Variants in CTBP2 observed in about 807,000 individuals in gnomAD.
CTBP2 encodes the protein C-terminal binding protein 2.
In CTBP2, 30 loss-of-function variants were observed where a neutral mutation model predicts 80.3. The ratio of observed to expected loss-of-function variants is 0.37; its 90% CI spans 0.28 to 0.51. The LOEUF is 0.51. Ranked by LOEUF, CTBP2 falls within the 20% of genes least tolerant of loss-of-function variation. The pLI is 0.93. For missense variants in CTBP2, 1,212 were observed against 1,375.3 expected (o/e 0.88, Z 1.88); for synonymous variants, 594 against 587.4 (o/e 1.01, Z -0.16).
intron 2 of CTBP2, among the ~76,000 whole-genome samples, chr10:125,047,625 T>C (rs1961593044): frequency 6.6e-6 from 1 of 152,242 alleles, no homozygotes; most frequent in Non-Finnish European, 1.5e-5. Context: ...TATCTGGAGG[T>C]TATATGCTAA....
rs541305770 is a variant in CTBP2, at chr10:124,987,378, A to G, written c.*2140T>C. On this transcript the variant is annotated 3_prime_UTR_variant, in exon 9 of 9. Coordinates refer to ENST00000309035, the MANE Select transcript of CTBP2 (RefSeq NM_022802.3). ...GGGTCAAATTTATATATATATATAT[A>G]AATTTTTGTTTGGGCGACCAAGATC... The G allele has an allele frequency of 1.3e-5, 2 of 151,864 alleles. No homozygotes were observed. Among genetic ancestry groups the G allele is most frequent in the African/African-American group, 4.8e-5 (2 of 41,412 alleles). The allele number at this position is 151,864 out of a possible 1,614,324, so 9.4% of individuals were successfully genotyped here.
intron 2 of CTBP2, among the ~76,000 whole-genome samples, chr10:125,062,265 TCA>T (rs576097312): frequency 6.6e-6 from 1 of 152,120 alleles, no homozygotes; most frequent in Non-Finnish European, 1.5e-5. Flanking sequence ...CTCTCAAAAC[TCA>T]GCAAATGTTA....
rs979110826 is a variant in CTBP2, at chr10:124,986,691, A to C, written c.*2827T>G. The C allele has an allele frequency of 6.6e-6, 1 of 152,200 alleles. No homozygotes were observed. Among genetic ancestry groups the C allele is most frequent in the Non-Finnish European group, 1.5e-5 (1 of 68,044 alleles). 9.4% of individuals were successfully genotyped at this position (152,200 alleles called of 1,614,324 possible). A position where few individuals can be genotyped will look rare whatever the true frequency, so the allele number is the denominator to read the frequency against. On this transcript the variant is annotated 3_prime_UTR_variant, in exon 9 of 9. Coordinates refer to ENST00000309035, the MANE Select transcript of CTBP2 (RefSeq NM_022802.3). Reference sequence around the variant, plus strand: ...TTTCATTTTGGCCAATAAGTAATCAAGTTTGTAGAAAATGTTAGCATTCTG... The same window carrying C: ...TTTCATTTTGGCCAATAAGTAATCACGTTTGTAGAAAATGTTAGCATTCTG...
intron 1 of CTBP2, among the ~76,000 whole-genome samples, chr10:125,158,904 G>A (rs995984103): frequency 6.6e-6 from 1 of 152,048 alleles, no homozygotes; most frequent in Non-Finnish European, 1.5e-5. Context: ...CCACGGGAGG[G>A]AGTGTGTGCG....
chr10:125,111,975 G>C (rs1852358918), intron 1 of CTBP2, among the ~76,000 whole-genome samples: 1 of 152,038 alleles, frequency 6.6e-6, no homozygotes, highest in Non-Finnish European at 1.5e-5. Context: ...AGCCCCACGA[G>C]AGAGGGAAGA....
rs61870307 is a variant in CTBP2 at position 124,994,518 on chromosome 10, T to C, written c.2351A>G (p.Asn784Ser). The C allele has an allele frequency of 1.1e-5, 17 of 1,613,890 alleles. No individual in the cohort carries two copies. The highest frequency in any genetic ancestry group is 1.3e-5 in the African/African-American group (1 of 74,926). The stretch of plus-strand genomic sequence containing the variant: ...GAGGTGGTGGTTATGTTCGTTGAGA[T>C]TGCAGTGCAAGGAGACGCAGTCGCT... Residue 784 changes from asparagine to serine, a missense_variant, in exon 5 of 9, where the codon AAT (asparagine) becomes AGT (serine). By Grantham distance (46) the Asn-to-Ser change is conservative. Transcript: ENST00000309035.
Position 124,984,838 on chromosome 10 carries a change from G to A in CTBP2, c.*4680C>T, listed in dbSNP as rs777935576. The A allele has an allele frequency of 2.5e-6, 4 of 1,613,798 alleles. No individual in the cohort carries two copies. Among genetic ancestry groups the A allele is most frequent in the African/African-American group, 1.3e-5 (1 of 74,812 alleles). On this transcript the variant is annotated 3_prime_UTR_variant, in exon 9 of 9. Coordinates refer to ENST00000309035, the MANE Select transcript of CTBP2 (RefSeq NM_022802.3). The stretch of plus-strand genomic sequence containing the variant: ...TGGCTGGACTGCTGTGTGACGGAGG[G>A]GGGAGTTCTGGTTGCCATGCAGAAG...
At chr10:125,028,505 TG>T (rs1301029941), upstream of CTBP2, among the ~76,000 whole-genome samples, 2 of 152,254 alleles carry the variant, frequency 1.3e-5, no homozygotes, top group Admixed American at 6.5e-5. Context: ...TGAAACCTGA[TG>T]CTTTGATAAT....
intron 1 of CTBP2, chr10:125,005,717 C>CCA (rs769063278): frequency 2.2e-5 from 35 of 1,612,816 alleles, no homozygotes; most frequent in Non-Finnish European, 2.9e-5. Context: ...CTGCCAAATT[C>CCA]CACAAGATTC....
In CTBP2 at chr10:125,027,505, A is replaced by T; in HGVS notation, c.255T>A (p.Ser85=). 1 of 1,614,158 alleles carries T rather than the reference A, an allele frequency of 6.2e-7. No individual in the cohort carries two copies. The highest frequency in any genetic ancestry group is 8.5e-7 in the Non-Finnish European group (1 of 1,180,018). Residue 85 remains serine, a synonymous_variant, in exon 1 of 9, where the codon TCT becomes TCA. Transcript: ENST00000309035. ...TGTCGTAGAAGGTGAAGTCAGGAGT[A>T]GACCCCTTTCTTGCAGCCACTGAGT...
rs114926561 is a variant in CTBP2, at chr10:125,129,490, G to A, written c.-205-18397C>T. On this transcript the variant is annotated intron_variant, in intron 1 of 10. Transcript: ENST00000337195. ...GTTGACCTTAGGTCATGAGACCCGT[G>A]CTCCAGGTGAAGATCTGAAATTCAG... is the stretch of plus-strand genomic sequence containing the variant. Among the ~76,000 whole-genome samples the A allele has an allele frequency of 5.4e-3, 818 of 152,150 alleles. 9 individuals carry two copies. The highest frequency in any genetic ancestry group is 0.019 in the African/African-American group (780 of 41,494).
At chr10:125,096,725 C>T (rs1193263737) in intron 2 of CTBP2, among the ~76,000 whole-genome samples, 1 of 129,882 alleles carries the variant, frequency 7.7e-6, no homozygotes, top group Non-Finnish European at 1.5e-5. Flanking sequence ...CAAAAGTCTA[C>T]ACGGCATGAA....
intron 2 of CTBP2, among the ~76,000 whole-genome samples, chr10:125,099,856 C>A (rs1436719195): frequency 2.0e-5 from 3 of 152,214 alleles, no homozygotes; most frequent in African/African-American, 7.2e-5. Flanking sequence ...GCCAGCCAGG[C>A]TCTTCCCAGA....
chr10:125,147,152 G>A (rs968131473), intron 1 of CTBP2, among the ~76,000 whole-genome samples: 7 of 152,192 alleles, frequency 4.6e-5, no homozygotes, highest in Admixed American at 2.6e-4. Flanking sequence ...CAGAGGGAAG[G>A]GCAGACACAG....
intron 4 of CTBP2, 113 bp from the exon 7 acceptor site, chr10:124,994,796 GC>G: frequency 9.4e-7 from 1 of 1,066,208 alleles, no homozygotes; most frequent in Non-Finnish European, 1.4e-6. Flanking sequence ...GGTAGCTGCT[GC>G]CAGAGAAACC....
At position 124,985,015 on chromosome 10, in the gene CTBP2, G is replaced by C; in HGVS notation, c.*4503C>G. The C allele has an allele frequency of 6.4e-7, 1 of 1,560,246 alleles. No homozygotes were observed. Among genetic ancestry groups the C allele is most frequent in the Non-Finnish European group, 8.8e-7 (1 of 1,142,470 alleles). On this transcript the variant is annotated 3_prime_UTR_variant, in exon 9 of 9. Transcript: ENST00000309035. ...TGAAAAAAAAAATCAAACAGCAGAA[G>C]ACCAAGGCATCAGATCTGTAATGAC...
At chr10:125,105,206 G>A (rs1851268406) in intron 2 of CTBP2, among the ~76,000 whole-genome samples, 1 of 152,148 alleles carries the variant, frequency 6.6e-6, no homozygotes, top group African/African-American at 2.4e-5. Context: ...TGAGTGCAGT[G>A]GTGCAATCAT....
intron 3 of CTBP2, among the ~76,000 whole-genome samples, chr10:125,036,381 G>C (rs1261095823): frequency 6.6e-6 from 1 of 152,086 alleles, no homozygotes; most frequent in Non-Finnish European, 1.5e-5. Flanking sequence ...GGCGGGAGGG[G>C]ACGAATTTTA....
Position 125,117,944 on chromosome 10 carries a change from G to A in CTBP2, c.-205-6851C>T, listed in dbSNP as rs984361103. On this transcript the variant is annotated intron_variant, in intron 1 of 10. Coordinates refer to the CTBP2 transcript ENST00000337195. ...TGAGAAGAAAAATGCCCTCTAGGCAGAAACTTTACATACACAGTCTTTGTC... is the reference window on the plus strand; with the variant it reads ...TGAGAAGAAAAATGCCCTCTAGGCAAAAACTTTACATACACAGTCTTTGTC... Among the ~76,000 whole-genome samples, 3 of 152,196 alleles carry A rather than the reference G, an allele frequency of 2.0e-5. No individual in the cohort carries two copies. In the South Asian group the frequency reaches 6.2e-4, roughly 31 times the overall value.
Sources: allele counts gnomAD v4.1 joint callset (sites outside exome capture counted in the v4.1 genomes callset), GRCh38; gene constraint gnomAD v4.1.1; transcripts MANE v1.5; gene names NCBI Gene and HGNC (gene_info 2026-07-23, HGNC 2026-07-21).